Variants in PAK5 observed in about 807,000 individuals in gnomAD.
The protein encoded by PAK5 is serine/threonine-protein kinase PAK 5.
A neutral mutation model predicts 65.9 loss-of-function variants in PAK5; 16 were observed. The ratio of observed to expected loss-of-function variants is 0.24; its 90% CI spans 0.16 to 0.37. The LOEUF (loss-of-function observed/expected upper bound fraction) is 0.37. Among genes scored for constraint, PAK5 ranks in the 10% least tolerant of loss-of-function variants. PAK5 has a pLI of 1.00. For synonymous variants in PAK5, 371 were observed against 354.9 expected, an observed-to-expected ratio of 1.05 and a Z score of -0.51; for missense variants, 785 against 903.9, an observed-to-expected ratio of 0.87 and a Z score of 1.69.
intron 6 of PAK5, among the ~76,000 whole-genome samples, chr20:9,559,253 T>C (rs546823138): frequency 1.2e-4 from 18 of 152,276 alleles, no homozygotes; most frequent in African/African-American, 4.1e-4. Flanking sequence ...CAGAGGAGAC[T>C]GTCAGGAGAG....
chr20:9,721,198 G>A (rs757744947), intron 1 of PAK5, among the ~76,000 whole-genome samples: 20 of 152,258 alleles, frequency 1.3e-4, no homozygotes, highest in Admixed American at 2.6e-4. Flanking sequence ...GTGGCACAGC[G>A]AAGGATTAAA....
At chr20:9,684,112 G>A (rs1166555302) in intron 2 of PAK5, among the ~76,000 whole-genome samples, 1 of 152,196 alleles carries the variant, frequency 6.6e-6, no homozygotes, top group African/African-American at 2.4e-5. Context: ...GGACTTTATT[G>A]TGTTAAACCA....
In PAK5 at chr20:9,562,887, C is replaced by T. The variant is rs2122977576; in HGVS notation, c.1616+4G>A. ...CGAATTCTCTGGATAATAAAGAAGC[C>T]TACCTGGTGTGAGTCACAATGTCTG... On this transcript the variant is annotated splice_donor_region_variant and intron_variant, in intron 6 of 9. Coordinates refer to ENST00000353224, the MANE Select transcript of PAK5 (RefSeq NM_177990.4). 1 of 1,611,992 alleles carries T rather than the reference C, an allele frequency of 6.2e-7. No individual in the cohort carries two copies. The highest frequency in any genetic ancestry group is 1.1e-5 in the South Asian group (1 of 90,926).
At chr20:9,776,393 C>T (rs151105018) in intron 1 of PAK5, among the ~76,000 whole-genome samples, 67 of 152,286 alleles carry the variant, frequency 4.4e-4, no homozygotes, top group Non-Finnish European at 6.3e-4. Context: ...GTAACCCATT[C>T]CTTGCACTGT....
intron 9 of PAK5, among the ~76,000 whole-genome samples, chr20:9,542,136 C>G (rs1251394179): frequency 6.6e-6 from 1 of 152,146 alleles, no homozygotes; most frequent in African/African-American, 2.4e-5. Flanking sequence ...ATAGTATGTA[C>G]CACACTCTGA....
At chr20:9,794,149 G>T (rs1477111029) in intron 1 of PAK5, among the ~76,000 whole-genome samples, 3 of 151,660 alleles carry the variant, frequency 2.0e-5, no homozygotes, top group African/African-American at 7.3e-5. Flanking sequence ...GACATAGGGA[G>T]GGGAACAACA....
At chr20:9,678,195 G>T (rs2047600921) in intron 2 of PAK5, among the ~76,000 whole-genome samples, 1 of 152,170 alleles carries the variant, frequency 6.6e-6, no homozygotes, top group African/African-American at 2.4e-5. Flanking sequence ...ATTTCTGTGG[G>T]AAATTGTGCC....
At chr20:9,753,370 G>A (rs370645994) in intron 1 of PAK5, among the ~76,000 whole-genome samples, 2 of 152,004 alleles carry the variant, frequency 1.3e-5, no homozygotes, top group African/African-American at 2.4e-5. Context: ...CATGCTACTC[G>A]AGCATATAGT....
chr20:9,657,919 C>T (rs766453340), intron 2 of PAK5, among the ~76,000 whole-genome samples: 16 of 152,154 alleles, frequency 1.1e-4, no homozygotes, highest in Non-Finnish European at 2.1e-4. Context: ...CTGTAAACAT[C>T]GTCTAGATAG....
chr20:9,780,849 T>A (rs2048933664), intron 1 of PAK5, among the ~76,000 whole-genome samples: 1 of 152,134 alleles, frequency 6.6e-6, no homozygotes, highest in Non-Finnish European at 1.5e-5. Context: ...TCAAAATTTA[T>A]AATTATACAT....
At chr20:9,813,536 T>C (rs1240424735) in intron 1 of PAK5, among the ~76,000 whole-genome samples, 1 of 152,080 alleles carries the variant, frequency 6.6e-6, no homozygotes, top group Non-Finnish European at 1.5e-5. Context: ...CACCAAAAAA[T>C]GTTCAGTAAC....
intron 3 of PAK5, among the ~76,000 whole-genome samples, chr20:9,624,098 C>T (rs2046808912): frequency 6.6e-6 from 1 of 152,090 alleles, no homozygotes; most frequent in Admixed American, 6.5e-5. Context: ...AATATGAGGT[C>T]CAATATTAGA....
chr20:9,773,097 AAG>A (rs1168360530), intron 1 of PAK5, among the ~76,000 whole-genome samples: 1 of 152,160 alleles, frequency 6.6e-6, no homozygotes, highest in East Asian at 1.9e-4. Flanking sequence ...AAGGCCATCC[AAG>A]AAGATCTCTC....
chr20:9,571,376 G>A (rs1269161384), intron 4 of PAK5, among the ~76,000 whole-genome samples: 4 of 152,218 alleles, frequency 2.6e-5, no homozygotes, highest in Non-Finnish European at 4.4e-5. Flanking sequence ...CAAGCAGGGG[G>A]CAACTGAATC....
chr20:9,775,378 A>G (rs189927301), intron 1 of PAK5, among the ~76,000 whole-genome samples: 1 of 152,168 alleles, frequency 6.6e-6, no homozygotes, highest in South Asian at 2.1e-4. Context: ...GTTTAGCAGT[A>G]CTGTTCATTC....
intron 1 of PAK5, among the ~76,000 whole-genome samples, chr20:9,749,640 C>A (rs972472120): frequency 1.3e-5 from 2 of 152,102 alleles, no homozygotes; most frequent in African/African-American, 2.4e-5. Flanking sequence ...ACATGTATTT[C>A]CTGCCTTTTA....
intron 3 of PAK5, among the ~76,000 whole-genome samples, chr20:9,638,479 T>C (rs1269214138): frequency 6.6e-6 from 1 of 152,224 alleles, no homozygotes; most frequent in East Asian, 1.9e-4. Flanking sequence ...TCACATTGAT[T>C]ATACCTTATG....
intron 3 of PAK5, among the ~76,000 whole-genome samples, chr20:9,643,297 A>T (rs993273670): frequency 6.6e-6 from 1 of 152,216 alleles, no homozygotes; most frequent in Non-Finnish European, 1.5e-5. Context: ...ACTTTTGGGC[A>T]ATTGCCTGCT....
chr20:9,766,653 A>G (rs2048772110), intron 1 of PAK5, among the ~76,000 whole-genome samples: 1 of 151,156 alleles, frequency 6.6e-6, no homozygotes, highest in Non-Finnish European at 1.5e-5. Flanking sequence ...AGAAGCCAAC[A>G]TGAGACAGTA....
Sources: gnomAD v4.1 joint callset for allele counts (sites outside exome capture counted in the v4.1 genomes callset) on GRCh38, gnomAD v4.1.1 for gene constraint, MANE v1.5 for transcripts, NCBI Gene and HGNC (gene_info 2026-07-23, HGNC 2026-07-21) for gene names.